The following HS3ST4 variants were observed in gnomAD, a reference collection of about 807,000 sequenced individuals.
HS3ST4 encodes heparan sulfate glucosamine 3-O-sulfotransferase 4.
In HS3ST4, 17 loss-of-function variants were observed where a neutral mutation model predicts 29.2. The observed-to-expected ratio is 0.58, with a 90% CI of 0.40 to 0.87. The LOEUF (loss-of-function observed/expected upper bound fraction) is 0.87, where lower values mean the gene tolerates loss of function less well. HS3ST4 is among the 40% of genes least tolerant of loss of function. The pLI, the probability that HS3ST4 is intolerant of heterozygous loss-of-function variation, is 0.00. For synonymous variants in HS3ST4, 314 were observed against 285.7 expected, an observed-to-expected ratio of 1.10 and a Z score of -1.00; for missense variants, 627 against 634.5, an observed-to-expected ratio of 0.99 and a Z score of 0.13.
rs147848215 is a variant in HS3ST4, at chr16:25,945,396, C to A, written c.735-190216C>A. Among the ~76,000 whole-genome samples, 477 of 152,226 alleles carry A rather than the reference C, an allele frequency of 3.1e-3. 3 individuals carry two copies. The Middle Eastern group carries it at 0.048, about 15-fold the overall frequency. ...CTACACCAGAGTTTGTTTAGTCAGT[C>A]CACTAGTACTAAATTTGGTTCCCAG... On this transcript the variant is annotated intron_variant, in intron 1 of 1. Coordinates refer to ENST00000331351, the MANE Select transcript of HS3ST4 (RefSeq NM_006040.3).
At chr16:25,983,856 C>A (rs1338168184) in intron 1 of HS3ST4, among the ~76,000 whole-genome samples, 1 of 152,072 alleles carries the variant, frequency 6.6e-6, no homozygotes, top group Non-Finnish European at 1.5e-5. Flanking sequence ...CAGCGTGGGG[C>A]TGTGGGGGTT....
chr16:26,067,197 G>T (rs960719577), intron 1 of HS3ST4, among the ~76,000 whole-genome samples: 1 of 152,076 alleles, frequency 6.6e-6, no homozygotes, highest in African/African-American at 2.4e-5. Context: ...ATATCTAAAC[G>T]TGCTTCCTGT....
chr16:26,066,502 C>T (rs899617918), intron 1 of HS3ST4, among the ~76,000 whole-genome samples: 3 of 152,112 alleles, frequency 2.0e-5, no homozygotes, highest in Admixed American at 6.5e-5. Flanking sequence ...ATCTGTTCCC[C>T]GTTCAGTCCC....
chr16:25,959,056 T>C (rs1396126416), intron 1 of HS3ST4, among the ~76,000 whole-genome samples: 13 of 151,488 alleles, frequency 8.6e-5, no homozygotes, highest in Admixed American at 8.6e-4. Flanking sequence ...ACATGAGGAG[T>C]TGGGAGTGAA....
At chr16:26,034,722 G>T (rs1969567563) in intron 1 of HS3ST4, among the ~76,000 whole-genome samples, 1 of 151,554 alleles carries the variant, frequency 6.6e-6, no homozygotes, top group African/African-American at 2.4e-5. Context: ...GATGTTTGGT[G>T]TCTTCATAAG....
intron 1 of HS3ST4, among the ~76,000 whole-genome samples, chr16:26,131,841 C>T (rs939109091): frequency 2.6e-5 from 4 of 152,150 alleles, no homozygotes; most frequent in African/African-American, 7.2e-5. Flanking sequence ...AGATTAATGG[C>T]TTGTCATTCA....
intron 1 of HS3ST4, among the ~76,000 whole-genome samples, chr16:25,963,352 CT>C (rs1270012303): frequency 6.6e-6 from 1 of 152,142 alleles, no homozygotes; most frequent in Non-Finnish European, 1.5e-5. Flanking sequence ...CCAACTTCTA[CT>C]TTTTTCATGC....
At chr16:25,813,527 G>A (rs1967063581) in intron 1 of HS3ST4, among the ~76,000 whole-genome samples, 1 of 152,168 alleles carries the variant, frequency 6.6e-6, no homozygotes, top group Admixed American at 6.5e-5. Context: ...AACCTGGGAG[G>A]CGGAGGTTGT....
At chr16:26,009,614 A>G (rs1969292117) in intron 1 of HS3ST4, among the ~76,000 whole-genome samples, 1 of 152,196 alleles carries the variant, frequency 6.6e-6, no homozygotes, top group Non-Finnish European at 1.5e-5. Context: ...GGTGGATGCA[A>G]GCACTGCCAT....
chr16:25,991,483 C>T (rs1342456777), intron 1 of HS3ST4, among the ~76,000 whole-genome samples: 2 of 152,138 alleles, frequency 1.3e-5, no homozygotes, highest in African/African-American at 2.4e-5. Flanking sequence ...TTGTCATAGT[C>T]TCTTGAGGAA....
chr16:25,884,922 T>TTTA (rs1189742063), intron 1 of HS3ST4, among the ~76,000 whole-genome samples: 1 of 152,114 alleles, frequency 6.6e-6, no homozygotes, highest in Non-Finnish European at 1.5e-5. Context: ...CCCCTTAGTG[T>TTTA]CCAGAACAGT....
chr16:26,065,933 G>A (rs2141773498), intron 1 of HS3ST4, among the ~76,000 whole-genome samples: 1 of 152,290 alleles, frequency 6.6e-6, no homozygotes, highest in East Asian at 1.9e-4. Flanking sequence ...ATAGAAAAGA[G>A]CAAAACAGGA....
intron 1 of HS3ST4, among the ~76,000 whole-genome samples, chr16:25,804,911 C>T (rs1966975391): frequency 6.6e-6 from 1 of 152,028 alleles, no homozygotes; most frequent in African/African-American, 2.4e-5. Context: ...CTATTATTGT[C>T]TATTACTGTT....
At chr16:25,739,152 G>A (rs113953715) in intron 1 of HS3ST4, among the ~76,000 whole-genome samples, 5,911 of 152,114 alleles carry the variant, frequency 0.039, 399 homozygotes, top group African/African-American at 0.14. Flanking sequence ...GACAAGCCTG[G>A]CCAACATGGA....
At chr16:25,853,302 GTGTGTGTGTGTA>G (rs1967540012) in intron 1 of HS3ST4, among the ~76,000 whole-genome samples, 1 of 106,334 alleles carries the variant, frequency 9.4e-6, no homozygotes, top group African/African-American at 3.3e-5. Context: ...GTGAGTGTGT[GTGTGTGTGTGTA>G]TATATATATA....
chr16:25,815,310 T>G (rs921780068), intron 1 of HS3ST4, among the ~76,000 whole-genome samples: 1 of 152,126 alleles, frequency 6.6e-6, no homozygotes, highest in Non-Finnish European at 1.5e-5. Context: ...TATATACAAT[T>G]TTGGAGTCTT....
intron 1 of HS3ST4, among the ~76,000 whole-genome samples, chr16:25,857,702 C>A (rs1262139011): frequency 6.6e-6 from 1 of 151,964 alleles, no homozygotes; most frequent in Non-Finnish European, 1.5e-5. Flanking sequence ...TTTTAATTTA[C>A]GCCTTGTTGG....
At chr16:25,855,720 C>G (rs1274422739) in intron 1 of HS3ST4, among the ~76,000 whole-genome samples, 1 of 152,096 alleles carries the variant, frequency 6.6e-6, no homozygotes, top group Non-Finnish European at 1.5e-5. Flanking sequence ...CTGGGCTGCT[C>G]TTCACCAAGG....
intron 1 of HS3ST4, among the ~76,000 whole-genome samples, chr16:25,716,330 C>A (rs1032360499): frequency 4.6e-5 from 7 of 152,216 alleles, no homozygotes; most frequent in African/African-American, 9.6e-5. Context: ...ATTTCCCAGT[C>A]TGCTTTCTGG....
Sources: allele counts gnomAD v4.1 joint callset (sites outside exome capture counted in the v4.1 genomes callset), GRCh38; gene constraint gnomAD v4.1.1; transcripts MANE v1.5; gene names NCBI Gene and HGNC (gene_info 2026-07-23, HGNC 2026-07-21).